Variants in ENOX2 observed in about 807,000 individuals in gnomAD.
ENOX2 encodes ecto-NOX disulfide-thiol exchanger 2.
ENOX2 carries 36 observed loss-of-function variants against 45.0 expected under a neutral mutation model. The observed-to-expected ratio is 0.80, with a 90% CI of 0.61 to 1.06. The LOEUF (loss-of-function observed/expected upper bound fraction) is 1.06. Among genes scored for constraint, ENOX2 ranks in the 50% least tolerant of loss-of-function variants. The probability of loss-of-function intolerance (pLI) is 0.00; values close to 1 mark genes in which losing one functional copy is unlikely to be tolerated. For synonymous variants in ENOX2, 174 were observed against 152.3 expected (o/e 1.14, Z -1.05); for missense variants, 423 against 462.5 (o/e 0.91, Z 0.78).
Position 130,679,593 on chromosome X carries a change from G to A in ENOX2, c.409C>T (p.His137Tyr), listed in dbSNP as rs1275124417. The change falls in exon 6 of 15, where the codon CAC becomes TAC. Residue 137 changes from histidine to tyrosine, a missense_variant. Around this residue, in one of 5 missense-constraint regions of ENOX2, gnomAD observed 261 missense variants for 306.8 expected, o/e 0.85. Transcript: ENST00000394363. ...ATGTACTCCTCAGCAAAGCGAATGTGGCAGAAGTTCTTCTTGCTCTTGCGA... is the reference window on the plus strand; with the variant it reads ...ATGTACTCCTCAGCAAAGCGAATGTAGCAGAAGTTCTTCTTGCTCTTGCGA... ...AIRKSKKNFC[H>Y]IRFAEEYMVD... The A allele has an allele frequency of 3.3e-6, 4 of 1,209,347 alleles. No individual in the cohort carries two copies. The highest frequency in any genetic ancestry group is 3.4e-6 in the Non-Finnish European group (3 of 894,667).
At chrX:130,736,436 T>C (rs2038863521) in intron 3 of ENOX2, among the ~76,000 whole-genome samples, 1 of 111,770 alleles carries the variant, frequency 8.9e-6, no homozygotes, top group South Asian at 3.7e-4. Context: ...CCAAATGACC[T>C]TCATATTTCC....
chrX:130,769,734 A>G (rs1349519820), intron 3 of ENOX2, among the ~76,000 whole-genome samples: 1 of 111,923 alleles, frequency 8.9e-6, no homozygotes, highest in East Asian at 2.8e-4. Context: ...TAGGCATCCA[A>G]TACATGTTTG....
chrX:130,707,475 A>G (rs2038067137), intron 3 of ENOX2, among the ~76,000 whole-genome samples: 1 of 107,275 alleles, frequency 9.3e-6, no homozygotes, highest in Admixed American at 1.0e-4. Context: ...TTAACTTGTC[A>G]ATCACTGTCA....
chrX:130,825,914 T>G (rs1301034855), intron 2 of ENOX2, among the ~76,000 whole-genome samples: 2 of 111,257 alleles, frequency 1.8e-5, no homozygotes, highest in African/African-American at 6.5e-5. Flanking sequence ...CAGTATATTG[T>G]TATAGTTGTT....
intron 12 of ENOX2, among the ~76,000 whole-genome samples, chrX:130,632,987 A>C (rs2035821164): frequency 8.9e-6 from 1 of 112,290 alleles, no homozygotes; most frequent in Admixed American, 9.4e-5. Flanking sequence ...GGGTTGATTT[A>C]AGATGTGAAA....
chrX:130,877,406 T>G (rs1335662264), intron 2 of ENOX2, among the ~76,000 whole-genome samples: 1 of 112,182 alleles, frequency 8.9e-6, no homozygotes, highest in Non-Finnish European at 1.9e-5. Flanking sequence ...CATTCCGTAC[T>G]CTTTTATCTC....
intron 3 of ENOX2, among the ~76,000 whole-genome samples, chrX:130,719,493 A>G (rs2038418783): frequency 9.1e-6 from 1 of 109,999 alleles, no homozygotes; most frequent in African/African-American, 3.3e-5. Flanking sequence ...GACAGGGCTT[A>G]AACACATACG....
At chrX:130,762,773 C>T (rs959029726) in intron 3 of ENOX2, among the ~76,000 whole-genome samples, 6 of 111,629 alleles carry the variant, frequency 5.4e-5, no homozygotes, top group African/African-American at 6.5e-5. Flanking sequence ...TAATGACCCA[C>T]GATGTAGTCT....
intron 12 of ENOX2, among the ~76,000 whole-genome samples, chrX:130,632,088 C>T (rs776740408): frequency 5.4e-5 from 6 of 111,320 alleles, no homozygotes; most frequent in South Asian, 7.6e-4. Context: ...GGACAATCTA[C>T]GTTGGCTACA....
chrX:130,711,088 G>A (rs1017448743), intron 3 of ENOX2, among the ~76,000 whole-genome samples: 2 of 112,042 alleles, frequency 1.8e-5, no homozygotes, highest in African/African-American at 6.5e-5. Context: ...GCAGGGTTGG[G>A]TGTCCTACCA....
intron 5 of ENOX2, among the ~76,000 whole-genome samples, chrX:130,685,115 T>C (rs1232265244): frequency 1.8e-5 from 2 of 111,815 alleles, no homozygotes; most frequent in East Asian, 5.6e-4. Context: ...GCCACGCAGA[T>C]ATTTAGAGGG....
At chrX:130,809,571 G>A (rs967862543) in intron 2 of ENOX2, among the ~76,000 whole-genome samples, 2 of 111,672 alleles carry the variant, frequency 1.8e-5, no homozygotes, top group African/African-American at 6.5e-5. Context: ...AACAAAGTTT[G>A]TTTTATTATC....
chrX:130,896,128 T>G (rs1372966331), intron 2 of ENOX2, among the ~76,000 whole-genome samples: 1 of 112,098 alleles, frequency 8.9e-6, no homozygotes. Flanking sequence ...GAGGAAGATT[T>G]AAGAGACATA....
chrX:130,807,804 C>T (rs2077329731), intron 2 of ENOX2, among the ~76,000 whole-genome samples: 1 of 111,853 alleles, frequency 8.9e-6, no homozygotes, highest in South Asian at 3.7e-4. Flanking sequence ...GCTCTGGAGT[C>T]AAACTGTCTA....
intron 2 of ENOX2, among the ~76,000 whole-genome samples, chrX:130,859,194 G>A (rs2078367527): frequency 8.9e-6 from 1 of 111,780 alleles, no homozygotes; most frequent in Non-Finnish European, 1.9e-5. Context: ...ATGGTGGTGT[G>A]CACCTGTAAT....
At chrX:130,889,624 G>A (rs773015655) in intron 2 of ENOX2, among the ~76,000 whole-genome samples, 2 of 111,462 alleles carry the variant, frequency 1.8e-5, no homozygotes, top group Non-Finnish European at 3.8e-5. Context: ...AAGAGAAAAT[G>A]AATCTAAAGT....
Position 130,635,028 on chromosome X carries a change from C to T in ENOX2, c.1375G>A (p.Asp459Asn). Residue 459 changes from aspartate (D) to asparagine (N), a missense_variant, in exon 12 of 15, where the codon GAC becomes AAC. Physicochemically the swap from Asp to Asn is conservative, Grantham distance 23. This residue lies in a region of ENOX2 where 108 missense variants were observed against 70.6 expected (regional missense o/e 1.53). Transcript: ENST00000394363. The stretch of plus-strand genomic sequence containing the variant: ...AACATTTTTTCCACCTGTAACTTGT[C>T]ATCTTTGAGTTTTTCAAGTTCAGCT... Reference protein sequence around the residue: ...KEAELEKLKDDKLQVEKMLEN... With the variant: ...KEAELEKLKDNKLQVEKMLEN... 1 of 1,199,203 alleles carries T rather than the reference C, an allele frequency of 8.3e-7. No homozygotes were observed. The highest frequency in any genetic ancestry group is 1.1e-6 in the Non-Finnish European group (1 of 885,388).
At chrX:130,748,048 CA>C (rs1258801562) in intron 3 of ENOX2, among the ~76,000 whole-genome samples, 1 of 111,780 alleles carries the variant, frequency 8.9e-6, no homozygotes, top group African/African-American at 3.3e-5. Flanking sequence ...AGAATAAAAA[CA>C]ACAAAGGGCA....
At chrX:130,703,909 A>G (rs1603311441) in intron 3 of ENOX2, among the ~76,000 whole-genome samples, 1 of 111,145 alleles carries the variant, frequency 9.0e-6, no homozygotes, top group East Asian at 2.8e-4. Flanking sequence ...GATAATTATT[A>G]CCATTATCAC....
Sources: allele counts gnomAD v4.1 joint callset (sites outside exome capture counted in the v4.1 genomes callset), GRCh38; gene constraint gnomAD v4.1.1; regional missense constraint gnomAD v4.1.1; transcripts MANE v1.5; gene names NCBI Gene and HGNC (gene_info 2026-07-23, HGNC 2026-07-21).